The following LINGO2 variants were observed in gnomAD, a reference collection of about 807,000 sequenced individuals.
LINGO2 encodes leucine rich repeat and Ig domain containing 2, also known as leucine-rich repeat and immunoglobulin-like domain-containing nogo receptor-interacting protein 2.
Under a neutral mutation model 30.6 loss-of-function variants are expected in LINGO2, and 14 were observed. The ratio of observed to expected loss-of-function variants is 0.46; its 90% CI spans 0.30 to 0.72. LINGO2 has a LOEUF of 0.72. LINGO2 is among the 30% of genes least tolerant of loss of function. The pLI is 0.07. For missense variants in LINGO2, 729 were observed against 751.7 expected, an observed-to-expected ratio of 0.97 and a Z score of 0.35; for synonymous variants, 317 against 288.5, an observed-to-expected ratio of 1.10 and a Z score of -1.00.
At chr9:28,536,870 T>G (rs1821457576) in intron 1 of LINGO2, among the ~76,000 whole-genome samples, 1 of 152,114 alleles carries the variant, frequency 6.6e-6, no homozygotes, top group African/African-American at 2.4e-5. Flanking sequence ...GTTTGACTTG[T>G]GACCCCCTCA....
At chr9:28,892,390 CACTA>C in the LINGO2 span, among the ~76,000 whole-genome samples, 1 of 151,934 alleles carries the variant, frequency 6.6e-6, no homozygotes, top group Non-Finnish European at 1.5e-5. Flanking sequence ...ATTTGTTTGA[CACTA>C]AGTTCATTAC....
the LINGO2 span, among the ~76,000 whole-genome samples, chr9:28,993,521 C>T: frequency 2.0e-5 from 3 of 151,990 alleles, no homozygotes; most frequent in African/African-American, 4.8e-5. Flanking sequence ...TTTTATGAGG[C>T]CAGCATCATC....
At chr9:27,982,413 A>T (rs756974860) in intron 5 of LINGO2, among the ~76,000 whole-genome samples, 4 of 151,908 alleles carry the variant, frequency 2.6e-5, no homozygotes, top group Non-Finnish European at 5.9e-5. Flanking sequence ...ATAGACATAC[A>T]TATAAACACA....
intron 2 of LINGO2, among the ~76,000 whole-genome samples, chr9:28,377,776 A>G (rs868669113): frequency 3.3e-5 from 5 of 152,186 alleles, no homozygotes; most frequent in African/African-American, 1.2e-4. Flanking sequence ...CAGAAAACTT[A>G]AAAGATTAGT....
the LINGO2 span, among the ~76,000 whole-genome samples, chr9:29,040,093 T>A: frequency 5.3e-5 from 8 of 152,150 alleles, no homozygotes; most frequent in Admixed American, 4.6e-4. Flanking sequence ...ATTTGTTCCC[T>A]AATTCTGGTC....
chr9:28,207,767 CAT>C (rs1820458345), intron 4 of LINGO2, among the ~76,000 whole-genome samples: 2 of 152,232 alleles, frequency 1.3e-5, no homozygotes, highest in East Asian at 1.9e-4. Flanking sequence ...AGTATGAAGA[CAT>C]AAACATTTGG....
At chr9:28,154,474 G>C (rs1161427607) in intron 4 of LINGO2, among the ~76,000 whole-genome samples, 5 of 152,026 alleles carry the variant, frequency 3.3e-5, no homozygotes, top group African/African-American at 7.2e-5. Context: ...CCTATGAGTA[G>C]GTTTTTATTT....
chr9:28,659,719 G>C (rs930612584), intron 1 of LINGO2, among the ~76,000 whole-genome samples: 2 of 152,122 alleles, frequency 1.3e-5, no homozygotes. Flanking sequence ...AAACTGCTGG[G>C]ATTACAGGCA....
chr9:29,169,800 A>G, the LINGO2 span, among the ~76,000 whole-genome samples: 1 of 152,122 alleles, frequency 6.6e-6, no homozygotes, highest in Non-Finnish European at 1.5e-5. Context: ...AGGGATGGAG[A>G]CCATCCTGGC....
chr9:29,079,822 A>T, the LINGO2 span, among the ~76,000 whole-genome samples: 2 of 152,024 alleles, frequency 1.3e-5, no homozygotes, highest in African/African-American at 4.8e-5. Flanking sequence ...TGAACAAGCA[A>T]GTGCTCAGCA....
At chr9:28,118,145 A>T (rs146707975) in intron 4 of LINGO2, among the ~76,000 whole-genome samples, 80 of 152,258 alleles carry the variant, frequency 5.3e-4, no homozygotes, top group African/African-American at 1.9e-3. Context: ...CTTAATACTT[A>T]GATGATGGAT....
the LINGO2 span, among the ~76,000 whole-genome samples, chr9:29,194,640 A>G: frequency 3.3e-5 from 5 of 151,864 alleles, no homozygotes; most frequent in Non-Finnish European, 7.4e-5. Flanking sequence ...ACTTACCTCC[A>G]CCCCACTAAC....
the LINGO2 span, among the ~76,000 whole-genome samples, chr9:28,827,529 G>A: frequency 6.6e-6 from 1 of 152,066 alleles, no homozygotes; most frequent in African/African-American, 2.4e-5. Flanking sequence ...AATTAAATAA[G>A]CAAATACATT....
intron 2 of LINGO2, among the ~76,000 whole-genome samples, chr9:28,468,236 T>C (rs1825387650): frequency 6.6e-6 from 1 of 152,204 alleles, no homozygotes; most frequent in African/African-American, 2.4e-5. Flanking sequence ...TTATCCTATG[T>C]TGTGCTTCAC....
the LINGO2 span, among the ~76,000 whole-genome samples, chr9:28,923,486 A>C: frequency 1.3e-5 from 2 of 152,186 alleles, no homozygotes; most frequent in African/African-American, 4.8e-5. Flanking sequence ...GCCCCTGTGG[A>C]CCACTAAAAA....
intron 4 of LINGO2, among the ~76,000 whole-genome samples, chr9:28,090,814 C>T (rs1479539935): frequency 6.6e-6 from 1 of 152,040 alleles, no homozygotes; most frequent in African/African-American, 2.4e-5. Context: ...ATCAGAAAAC[C>T]CCATCGTCTT....
chr9:28,373,305 A>C (rs968680889), intron 2 of LINGO2, among the ~76,000 whole-genome samples: 12 of 151,952 alleles, frequency 7.9e-5, no homozygotes, highest in Non-Finnish European at 1.0e-4. Context: ...CTATATTTCT[A>C]CTCTTGAATG....
intron 3 of LINGO2, among the ~76,000 whole-genome samples, chr9:28,364,059 A>G (rs1035368645): frequency 2.0e-5 from 3 of 151,954 alleles, no homozygotes; most frequent in African/African-American, 7.2e-5. Flanking sequence ...CATGTGAGTT[A>G]CCAGGAGAAA....
chr9:28,923,357 ATTGATGGTTGCTTTGTTTTTGG>A, the LINGO2 span, among the ~76,000 whole-genome samples: 1 of 152,130 alleles, frequency 6.6e-6, no homozygotes, highest in Non-Finnish European at 1.5e-5. Context: ...AATCCAAGTT[ATTGATGGTTGCTTTGTTTTTGG>A]AGCAGTATTT....
Sources: gnomAD v4.1 joint callset for allele counts (sites outside exome capture counted in the v4.1 genomes callset) on GRCh38, gnomAD v4.1.1 for gene constraint, MANE v1.5 for transcripts, NCBI Gene and HGNC (gene_info 2026-07-23, HGNC 2026-07-21) for gene names.